Variants in RTN1 observed in about 807,000 individuals in gnomAD.
RTN1 encodes reticulon-1.
In RTN1, 25 loss-of-function variants were observed where a neutral mutation model predicts 65.5. The ratio of observed to expected loss-of-function variants is 0.38; its 90% confidence interval spans 0.28 to 0.53. The LOEUF (loss-of-function observed/expected upper bound fraction) is 0.53, where lower values mean the gene tolerates loss of function less well. Ranked by LOEUF, RTN1 falls within the 20% of genes least tolerant of loss-of-function variation. RTN1 has a pLI of 0.79. For synonymous variants in RTN1, 471 were observed against 447.6 expected (o/e 1.05, Z -0.66); for missense variants, 983 against 1,025.4 (o/e 0.96, Z 0.57).
chr14:59,749,517 ATATATTTATATAT>A lies in RTN1; in HGVS notation c.242-3049_242-3037del, dbSNP rs1425485657. Among the ~76,000 whole-genome samples, 5 of 37,636 alleles carry A rather than the reference ATATATTTATATAT, an allele frequency of 1.3e-4. 1 individual carries two copies. Among genetic ancestry groups the A allele is most frequent in the African/African-American group, 9.3e-4 (5 of 5,350 alleles). The allele number at this position is 37,636 out of a possible 152,430, so 24.7% of individuals were successfully genotyped here. On this transcript the variant is annotated intron_variant, in intron 1 of 8. Transcript: ENST00000267484. ...TATATATATCTATATATAGATATCT[ATATATTTATATAT>A]ATCTATCTATATATATTTATATAGA... is the stretch of plus-strand genomic sequence containing the variant.
chr14:59,704,137 G>C (rs1039689635), intron 3 of RTN1, among the ~76,000 whole-genome samples: 2 of 152,104 alleles, frequency 1.3e-5, no homozygotes, highest in African/African-American at 4.8e-5. Flanking sequence ...CCCACTGAGA[G>C]TCTGATGAAA....
At chr14:59,669,703 C>G (rs919203751) in intron 3 of RTN1, among the ~76,000 whole-genome samples, 2 of 152,168 alleles carry the variant, frequency 1.3e-5, no homozygotes, top group African/African-American at 4.8e-5. Context: ...TGCCCTGGCA[C>G]TAGAGCTCTG....
chr14:59,664,391 A>C (rs1266858917), intron 3 of RTN1, among the ~76,000 whole-genome samples: 1 of 152,140 alleles, frequency 6.6e-6, no homozygotes, highest in African/African-American at 2.4e-5. Flanking sequence ...GGGTGCAGCA[A>C]ACCACCATGG....
intron 3 of RTN1, among the ~76,000 whole-genome samples, chr14:59,693,059 G>A (rs952367743): frequency 2.6e-5 from 4 of 152,100 alleles, no homozygotes; most frequent in Non-Finnish European, 4.4e-5. Flanking sequence ...TGAAAATGGA[G>A]GTCACATGAA....
intron 8 of RTN1, 51 bp from the exon 9 acceptor site, chr14:59,596,838 T>C: frequency 7.2e-7 from 1 of 1,395,222 alleles, no homozygotes; most frequent in Non-Finnish European, 1.0e-6. Flanking sequence ...ATTAATGAAA[T>C]CATTTTATGT....
At position 59,749,290 on chromosome 14, in the gene RTN1, ATATATATC is replaced by A. The variant is rs1566711385; in HGVS notation, c.242-2817_242-2810del. 7.0e-3 allele frequency among the ~76,000 whole-genome samples: 302 copies of A among 43,246 alleles called. 70 individuals carry two copies. The highest frequency in any genetic ancestry group is 0.04 in the African/African-American group (279 of 7,042). The allele number at this position is 43,246 out of a possible 152,430, so 28.4% of individuals were successfully genotyped here. A position where few individuals can be genotyped will look rare whatever the true frequency, so the allele number is the denominator to read the frequency against. ...TCTATATATATATCTATATATATCT[ATATATATC>A]TATATATATCTATATATATATCTAT... On this transcript the variant is annotated intron_variant, in intron 1 of 8. Transcript: ENST00000267484.
At chr14:59,667,454 A>C (rs1883403956) in intron 3 of RTN1, among the ~76,000 whole-genome samples, 1 of 152,138 alleles carries the variant, frequency 6.6e-6, no homozygotes, top group Admixed American at 6.6e-5. Context: ...TTGATGGAAC[A>C]TACCTCAAAA....
intron 1 of RTN1, among the ~76,000 whole-genome samples, chr14:59,848,542 T>C (rs1164539406): frequency 1.3e-5 from 2 of 152,194 alleles, no homozygotes; most frequent in Non-Finnish European, 2.9e-5. Context: ...CTCATATAAA[T>C]AGGAGCAAGA....
chr14:59,630,323 A>C, intron 3 of RTN1: 4 of 1,231,050 alleles, frequency 3.2e-6, no homozygotes, highest in Non-Finnish European at 4.7e-6. Context: ...CTACCCCCCA[A>C]CACAAAGCTC....
At chr14:59,744,973 C>T (rs748163988) in intron 2 of RTN1, among the ~76,000 whole-genome samples, 6 of 152,022 alleles carry the variant, frequency 3.9e-5, no homozygotes, top group Admixed American at 1.3e-4. Context: ...CTATGGACTA[C>T]GAAATATTGA....
intron 3 of RTN1, chr14:59,609,985 C>A: frequency 3.0e-6 from 2 of 656,254 alleles, no homozygotes; most frequent in South Asian, 3.5e-5. Flanking sequence ...AGGGGGCACT[C>A]CTTAGTGTGA....
At position 59,803,006 on chromosome 14, in the gene RTN1, AC is replaced by A. The variant is rs976031513; in HGVS notation, c.242-56526del. 4.0e-5 allele frequency among the ~76,000 whole-genome samples: 6 copies of A among 151,578 alleles called. No homozygotes were observed. The highest frequency in any genetic ancestry group is 1.5e-4 in the African/African-American group (6 of 41,316). On this transcript the variant is annotated intron_variant, in intron 1 of 8. Transcript: ENST00000267484. This position sits in a 1 kb window ranked among gnomAD's most constrained non-coding sequence, Gnocchi z 5.6. ...TCTCAGCTTTCACTGAAAAAAAAAA[AC>A]CCTACACAACAATCCACCATCCTCT... is the stretch of plus-strand genomic sequence containing the variant.
chr14:59,669,566 T>A (rs779268736), intron 3 of RTN1, among the ~76,000 whole-genome samples: 4 of 152,068 alleles, frequency 2.6e-5, no homozygotes, highest in Non-Finnish European at 5.9e-5. Flanking sequence ...GTATCAAACC[T>A]GCATGTTGTG....
At chr14:59,749,200 A>ATC (rs1252144555) in intron 1 of RTN1, among the ~76,000 whole-genome samples, 11 of 56,660 alleles carry the variant, frequency 1.9e-4, no homozygotes, top group East Asian at 1.3e-3. Flanking sequence ...ATATATATCT[A>ATC]TATATATATC....
chr14:59,813,304 C>G (rs994991333), intron 1 of RTN1, among the ~76,000 whole-genome samples: 1 of 152,088 alleles, frequency 6.6e-6, no homozygotes, highest in South Asian at 2.1e-4. Context: ...AAATCTTCCA[C>G]GAGAAGTTTC....
intron 1 of RTN1, among the ~76,000 whole-genome samples, chr14:59,828,508 G>A (rs1240926139): frequency 6.6e-6 from 1 of 152,122 alleles, no homozygotes; most frequent in Non-Finnish European, 1.5e-5. Flanking sequence ...AAATCGGTGG[G>A]GATGAGCTGG....
intron 3 of RTN1, among the ~76,000 whole-genome samples, chr14:59,616,284 T>A (rs1287927680): frequency 6.6e-6 from 1 of 152,190 alleles, no homozygotes; most frequent in Non-Finnish European, 1.5e-5. Context: ...ACAGACTGTG[T>A]GCCACAGAGG....
chr14:59,858,886 A>G (rs968123), intron 1 of RTN1, among the ~76,000 whole-genome samples: 137,790 of 152,298 alleles, frequency 0.9, 62,695 homozygotes, highest in East Asian at 1. Flanking sequence ...GAAGAAGATA[A>G]TTCAGCAAAA....
chr14:59,798,221 C>T (rs1207982849), intron 1 of RTN1, among the ~76,000 whole-genome samples: 3 of 152,224 alleles, frequency 2.0e-5, no homozygotes, highest in South Asian at 2.1e-4. Flanking sequence ...CAAACAAGTA[C>T]AATATTATTC....
Sources: allele counts gnomAD v4.1 joint callset (sites outside exome capture counted in the v4.1 genomes callset), GRCh38; gene constraint gnomAD v4.1.1; non-coding constraint Gnocchi (gnomAD v3.1); transcripts MANE v1.5; gene names NCBI Gene and HGNC (gene_info 2026-07-23, HGNC 2026-07-21).